The following CORO1A variants were observed in gnomAD, a reference collection of about 807,000 sequenced individuals.
The protein encoded by CORO1A is coronin-1A.
Under a neutral mutation model 44.1 loss-of-function variants are expected in CORO1A, and 17 were observed. That is an observed-to-expected ratio of 0.39 (90% CI 0.26 to 0.58). The LOEUF (loss-of-function observed/expected upper bound fraction) is 0.58, where lower values mean the gene tolerates loss of function less well. Ranked by LOEUF, CORO1A falls within the 20% of genes least tolerant of loss-of-function variation. The probability of loss-of-function intolerance (pLI) is 0.62; values close to 1 mark genes in which losing one functional copy is unlikely to be tolerated. For missense variants in CORO1A, 415 were observed against 606.5 expected, an observed-to-expected ratio of 0.68 and a Z score of 3.32; for synonymous variants, 271 against 244.2, an observed-to-expected ratio of 1.11 and a Z score of -1.02.
chr16:30,185,467 G>A, intron 2 of CORO1A, 60 bp downstream of exon 2: 1 of 1,494,554 alleles, frequency 6.7e-7, no homozygotes, highest in Non-Finnish European at 9.2e-7. Flanking sequence ...CTCTGTGCAG[G>A]TCCTGATTAG....
At chr16:30,187,246 C>T (rs370019525) in intron 5 of CORO1A, 23 bp downstream of exon 5, 342 of 1,608,826 alleles carry the variant, frequency 2.1e-4, no homozygotes, top group Non-Finnish European at 2.8e-4. Context: ...CTACCCTGAC[C>T]TTTGACCCTA....
At position 30,183,890 on chromosome 16, in the gene CORO1A, G is replaced by C. The variant is rs2073302727; in HGVS notation, c.-2+165G>C. ...GCAGCCCGTGGGGGGACGCTGCTTG[G>C]AGTGGGGGCCGCCGGGGCCCCAGAG... On this transcript the variant is annotated intron_variant, in intron 1 of 10. Coordinates refer to ENST00000219150, the MANE Select transcript of CORO1A (RefSeq NM_007074.4). The surrounding 1 kb of genome is among the most constrained non-coding windows in gnomAD (Gnocchi z 5.0). 2.0e-5 allele frequency: 3 copies of C among 152,050 alleles called. No individual in the cohort carries two copies. Among genetic ancestry groups the C allele is most frequent in the Admixed American group, 1.3e-4 (2 of 15,278 alleles). The allele number at this position is 152,050 out of a possible 1,614,324, so 9.4% of individuals were successfully genotyped here. A position where few individuals can be genotyped will look rare whatever the true frequency, so the allele number is the denominator to read the frequency against.
intron 2 of CORO1A, chr16:30,185,763 G>A (rs1467409003): frequency 2.9e-6 from 1 of 343,472 alleles, no homozygotes; most frequent in African/African-American, 2.1e-5. Context: ...AGGGTTGGGA[G>A]GGACTCTGGC....
intron 7 of CORO1A, 36 bp downstream of exon 7, chr16:30,187,865 G>GGGGGGGGGGGGGGGGCCCCGGGGGGC: frequency 1.9e-6 from 1 of 513,366 alleles, no homozygotes; most frequent in Admixed American, 2.3e-5. Flanking sequence ...TGGGAGGTGG[G>GGGGGGGGGGGGGGGGCCCCGGGGGGC]CAGGATGGGC....
At position 30,185,238 on chromosome 16, in the gene CORO1A, A is replaced by G. The variant is rs758315910; in HGVS notation, c.29A>G (p.Lys10Arg). The G allele has an allele frequency of 1.2e-6, 2 of 1,614,174 alleles. No homozygotes were observed. The highest frequency in any genetic ancestry group is 1.1e-5 in the South Asian group (1 of 91,092). Reference sequence around the variant, plus strand: ...AGCCGGCAGGTGGTCCGCTCCAGCAAGTTCCGCCACGTGTTTGGACAGCCG... The same window carrying G: ...AGCCGGCAGGTGGTCCGCTCCAGCAGGTTCCGCCACGTGTTTGGACAGCCG... MSRQVVRSSKFRHVFGQPAK... is the reference protein window; with the variant it reads MSRQVVRSSRFRHVFGQPAK... Residue 10 changes from lysine (K) to arginine (R), a missense_variant, in exon 2 of 11, where the codon AAG becomes AGG. This residue lies in a region of CORO1A where 325 missense variants were observed against 521.7 expected (regional missense o/e 0.62). Transcript: ENST00000219150.
At position 30,188,546 on chromosome 16, in the gene CORO1A, A is replaced by C. The variant is rs754103097; in HGVS notation, c.1251A>C (p.Ala417=). 43 of 1,536,378 alleles carry C rather than the reference A, an allele frequency of 2.8e-5. No individual in the cohort carries two copies. The highest frequency in any genetic ancestry group is 4.4e-6 in the Non-Finnish European group (5 of 1,134,464). ...NRGLDTGRRR[A]APEASGTPSS... is the part of the protein sequence containing the mutation. ...GCCTGGACACCGGGCGCAGGAGGGC[A>C]GCACCAGAGGCCAGTGGCACTCCCA... Residue 417 remains alanine, a synonymous_variant, in exon 10 of 11, where the codon GCA becomes GCC. Coordinates refer to ENST00000219150, the MANE Select transcript of CORO1A (RefSeq NM_007074.4).
rs970065836 is a variant in CORO1A at position 30,183,904 on chromosome 16, G to A, written c.-2+179G>A. 2.0e-5 allele frequency: 3 copies of A among 151,996 alleles called. No individual in the cohort carries two copies. The East Asian group carries it at 5.8e-4, about 29-fold the overall frequency. The allele number at this position is 151,996 out of a possible 1,614,324, so 9.4% of individuals were successfully genotyped here. On this transcript the variant is annotated intron_variant, in intron 1 of 10. Transcript: ENST00000219150. This position sits in a 1 kb window ranked among gnomAD's most constrained non-coding sequence, Gnocchi z 5.0. ...GACGCTGCTTGGAGTGGGGGCCGCC[G>A]GGGCCCCAGAGCGCTCTGCGGAGGC...
chr16:30,185,601 G>A (rs1009542894), intron 2 of CORO1A, 194 bp downstream of exon 2: 17 of 610,406 alleles, frequency 2.8e-5, no homozygotes, highest in Non-Finnish European at 4.3e-5. Flanking sequence ...CGCTCAGAAG[G>A]AGCCAACACA....
Position 30,188,388 on chromosome 16 carries a change from C to G in CORO1A, c.1093C>G (p.Pro365Ala). The change falls in exon 10 of 11, where the codon CCA becomes GCA. Residue 365 changes from proline (P) to alanine (A), a missense_variant. By Grantham distance (27) the Pro-to-Ala change is conservative. This residue lies in a region of CORO1A where 325 missense variants were observed against 521.7 expected (regional missense o/e 0.62). Coordinates refer to ENST00000219150, the MANE Select transcript of CORO1A (RefSeq NM_007074.4). Reference protein sequence around the residue: ...KSDLFQEDLYPPTAGPDPALT... With the variant: ...KSDLFQEDLYAPTAGPDPALT... ...GGACCTGTTCCAGGAGGACCTGTAC[C>G]CACCCACCGCAGGGCCCGACCCTGC... The G allele has an allele frequency of 1.2e-6, 2 of 1,613,828 alleles. No individual in the cohort carries two copies. The highest frequency in any genetic ancestry group is 1.7e-6 in the Non-Finnish European group (2 of 1,180,018).
rs934867762 is a variant in CORO1A, at chr16:30,184,897, A to C, written c.-1-312A>C. 1.8e-5 allele frequency: 9 copies of C among 487,392 alleles called. No homozygotes were observed. Among genetic ancestry groups the C allele is most frequent in the African/African-American group, 1.8e-4 (9 of 51,226 alleles). 30.2% of individuals were successfully genotyped at this position (487,392 alleles called of 1,614,324 possible). ...ATTAGGAAGGACGGGCTCTGCATCC[A>C]TCAGCCAGTCAGTCAACAAACATGC... On this transcript the variant is annotated intron_variant, in intron 1 of 10. Transcript: ENST00000219150. The surrounding 1 kb of genome is among the most constrained non-coding windows in gnomAD (Gnocchi z 4.3).
intron 2 of CORO1A, chr16:30,186,283 C>T (rs2073333055): frequency 4.9e-6 from 2 of 405,500 alleles, no homozygotes; most frequent in African/African-American, 4.1e-5. Flanking sequence ...ATGGAAGCCT[C>T]ACTCGGGGAA....
chr16:30,188,425 A>C lies in CORO1A; in HGVS notation c.1130A>C (p.Glu377Ala), dbSNP rs772233863. ...GGGCCCGACCCTGCCCTCACGGCTG[A>C]GGAGTGGCTGGGGGGTCGGGATGCT... is the stretch of plus-strand genomic sequence containing the variant. ...TAGPDPALTA[E>A]EWLGGRDAGP... The change falls in exon 10 of 11, where the codon GAG becomes GCG. Residue 377 changes from glutamate to alanine, a missense_variant. Around this residue, in one of 2 missense-constraint regions of CORO1A, gnomAD observed 90 missense variants for 84.7 expected, o/e 1.06. Coordinates refer to ENST00000219150, the MANE Select transcript of CORO1A (RefSeq NM_007074.4). 1.1e-5 allele frequency: 17 copies of C among 1,613,708 alleles called. No homozygotes were observed. The South Asian group carries it at 1.9e-4, about 18-fold the overall frequency.
rs1383576912 is a variant in CORO1A, at chr16:30,187,368, C to T, written c.637-14C>T. The T allele has an allele frequency of 2.5e-6, 4 of 1,610,048 alleles. No homozygotes were observed. Among genetic ancestry groups the T allele is most frequent in the South Asian group, 1.1e-5 (1 of 91,092 alleles). ...TGTACGGGTGCCTGACCTACCACCT[C>T]CCTTTCCTTGCAGGAGAAGGACCGT... On this transcript the variant is annotated splice_polypyrimidine_tract_variant and intron_variant, in intron 5 of 10. Transcript: ENST00000219150.
chr16:30,185,958 G>T, intron 2 of CORO1A: 1 of 195,524 alleles, frequency 5.1e-6, no homozygotes, highest in Non-Finnish European at 1.1e-5. Context: ...ACAGGAAGGG[G>T]AGATGGGCCC....
In CORO1A at chr16:30,183,801, G is replaced by A. The variant is rs2073301551; in HGVS notation, c.-2+76G>A. On this transcript the variant is annotated intron_variant, in intron 1 of 10. Transcript: ENST00000219150. This position sits in a 1 kb window ranked among gnomAD's most constrained non-coding sequence, Gnocchi z 5.0. Reference sequence around the variant, plus strand: ...GGGGCGGCGCGCGCGTGGGAGCCGCGGGCTGCGGGGGCGCGCGGCTGTCAC... The same window carrying A: ...GGGGCGGCGCGCGCGTGGGAGCCGCAGGCTGCGGGGGCGCGCGGCTGTCAC... 1 of 151,428 alleles carries A rather than the reference G, an allele frequency of 6.6e-6. No homozygotes were observed. Among genetic ancestry groups the A allele is most frequent in the Non-Finnish European group, 1.5e-5 (1 of 67,850 alleles). 9.4% of individuals were successfully genotyped at this position (151,428 alleles called of 1,614,324 possible). A position where few individuals can be genotyped will look rare whatever the true frequency, so the allele number is the denominator to read the frequency against.
At position 30,188,445 on chromosome 16, in the gene CORO1A, G is replaced by C. The variant is rs1470811661; in HGVS notation, c.1150G>C (p.Asp384His). 1 of 1,613,348 alleles carries C rather than the reference G, an allele frequency of 6.2e-7. No individual in the cohort carries two copies. The highest frequency in any genetic ancestry group is 1.1e-5 in the South Asian group (1 of 91,090). ...LTAEEWLGGR[D>H]AGPLLISLKD... ...GGCTGAGGAGTGGCTGGGGGGTCGG[G>C]ATGCTGGGCCCCTCCTCATCTCCCT... The change falls in exon 10 of 11, where the codon GAT becomes CAT. Residue 384 changes from aspartate to histidine, a missense_variant. This residue lies in a region of CORO1A where 90 missense variants were observed against 84.7 expected (regional missense o/e 1.06). Transcript: ENST00000219150.
rs779461140 is a variant in CORO1A, at chr16:30,184,089, G to A, written c.-2+364G>A. 1 of 152,268 alleles carries A rather than the reference G, an allele frequency of 6.6e-6. No individual in the cohort carries two copies. The highest frequency in any genetic ancestry group is 1.5e-5 in the Non-Finnish European group (1 of 68,142). 9.4% of individuals were successfully genotyped at this position (152,268 alleles called of 1,614,324 possible). On this transcript the variant is annotated intron_variant, in intron 1 of 10. Coordinates refer to ENST00000219150, the MANE Select transcript of CORO1A (RefSeq NM_007074.4). The surrounding 1 kb of genome is among the most constrained non-coding windows in gnomAD (Gnocchi z 4.3). ...TGCCCTGGGCTTGGAGACAGGAAGGGGTTGAGAGCAAAACAAGAAAAGACC... is the reference window on the plus strand; with the variant it reads ...TGCCCTGGGCTTGGAGACAGGAAGGAGTTGAGAGCAAAACAAGAAAAGACC...
intron 6 of CORO1A, 85 bp downstream of exon 6, chr16:30,187,586 A>C (rs2073356442): frequency 6.5e-7 from 1 of 1,546,884 alleles, no homozygotes. Flanking sequence ...CTCACCTGGC[A>C]GGATGGCCAT....
At position 30,188,091 on chromosome 16, in the gene CORO1A, A is replaced by G; in HGVS notation, c.1007+4A>G. On this transcript the variant is annotated splice_donor_region_variant and intron_variant, in intron 8 of 10. Transcript: ENST00000219150. ...TGAACAAGTGTGAGATCGCCAGGTG[A>G]CTGACCCCCGGCCCTGACCGCAGCA... The G allele has an allele frequency of 6.2e-7, 1 of 1,613,574 alleles. No individual in the cohort carries two copies. Among genetic ancestry groups the G allele is most frequent in the Non-Finnish European group, 8.5e-7 (1 of 1,179,978 alleles).
Sources: gnomAD v4.1 joint callset for allele counts on GRCh38, gnomAD v4.1.1 for gene constraint, gnomAD v4.1.1 regional missense constraint, Gnocchi (gnomAD v3.1) non-coding constraint, MANE v1.5 for transcripts, NCBI Gene and HGNC (gene_info 2026-07-23, HGNC 2026-07-21) for gene names.